Variants in KCNIP4 observed in about 807,000 individuals in gnomAD.
KCNIP4 encodes the protein Kv channel-interacting protein 4.
In KCNIP4, 12 loss-of-function variants were observed where a neutral mutation model predicts 34.0. The observed-to-expected ratio is 0.35, with a 90% CI of 0.23 to 0.57. The LOEUF (loss-of-function observed/expected upper bound fraction) is 0.57, where lower values mean the gene tolerates loss of function less well. KCNIP4 is among the 20% of genes least tolerant of loss of function. KCNIP4 has a pLI of 0.83. For synonymous variants in KCNIP4, 124 were observed against 102.2 expected, an observed-to-expected ratio of 1.21 and a Z score of -1.29; for missense variants, 238 against 311.7, an observed-to-expected ratio of 0.76 and a Z score of 1.78.
At chr4:20,776,711 A>G (rs1001124103) in intron 3 of KCNIP4, among the ~76,000 whole-genome samples, 5 of 152,170 alleles carry the variant, frequency 3.3e-5, no homozygotes, top group African/African-American at 1.2e-4. Flanking sequence ...ATTTTATGCC[A>G]CTGTGCCAGG....
intron 1 of KCNIP4, among the ~76,000 whole-genome samples, chr4:21,106,989 A>T (rs959918399): frequency 6.7e-6 from 1 of 149,524 alleles, no homozygotes; most frequent in Non-Finnish European, 1.5e-5. Context: ...CTGTTCTTTT[A>T]CATTTGCTGA....
chr4:21,283,417 T>C (rs1332102766), intron 1 of KCNIP4, among the ~76,000 whole-genome samples: 1 of 151,980 alleles, frequency 6.6e-6, no homozygotes, highest in African/African-American at 2.4e-5. Flanking sequence ...CTTTTAACGT[T>C]TTCTCTCTCA....
intron 1 of KCNIP4, among the ~76,000 whole-genome samples, chr4:20,994,562 C>G: frequency 6.6e-6 from 1 of 152,120 alleles, no homozygotes; most frequent in East Asian, 1.9e-4. Context: ...ATGATCAGAC[C>G]GAGGGACACT....
intron 1 of KCNIP4, among the ~76,000 whole-genome samples, chr4:21,683,873 C>G (rs1750599639): frequency 6.6e-6 from 1 of 152,066 alleles, no homozygotes; most frequent in Non-Finnish European, 1.5e-5. Flanking sequence ...TACACATTGT[C>G]CCAGTTACTC....
chr4:21,431,182 A>G (rs1726411199), intron 1 of KCNIP4, among the ~76,000 whole-genome samples: 1 of 152,086 alleles, frequency 6.6e-6, no homozygotes, highest in Non-Finnish European at 1.5e-5. Flanking sequence ...AAAAAAAAGG[A>G]AAAGTAAGGA....
chr4:21,134,924 C>A (rs1360768827), intron 1 of KCNIP4, among the ~76,000 whole-genome samples: 1 of 152,216 alleles, frequency 6.6e-6, no homozygotes, highest in Non-Finnish European at 1.5e-5. Flanking sequence ...ACTTCTTGAC[C>A]TAGGCACCTG....
intron 1 of KCNIP4, among the ~76,000 whole-genome samples, chr4:21,086,689 C>T (rs1746460871): frequency 3.3e-5 from 5 of 152,090 alleles, no homozygotes; most frequent in Admixed American, 3.3e-4. Context: ...CTTCTCCTAG[C>T]CAAGAAAAAT....
intron 1 of KCNIP4, among the ~76,000 whole-genome samples, chr4:21,194,960 C>G (rs1189900541): frequency 3.9e-5 from 6 of 152,182 alleles, no homozygotes; most frequent in African/African-American, 1.4e-4. Context: ...AAGGGTTTTA[C>G]TCCTACTATT....
chr4:21,194,196 GAATTT>G (rs953239525), intron 1 of KCNIP4, among the ~76,000 whole-genome samples: 3 of 152,032 alleles, frequency 2.0e-5, no homozygotes, highest in Non-Finnish European at 4.4e-5. Flanking sequence ...CTATTGATAA[GAATTT>G]AATTTAAGCA....
At chr4:21,625,172 T>C (rs931334037) in intron 1 of KCNIP4, among the ~76,000 whole-genome samples, 1 of 152,040 alleles carries the variant, frequency 6.6e-6, no homozygotes, top group Non-Finnish European at 1.5e-5. Context: ...GATGATAAAA[T>C]AATAATATAC....
At chr4:20,881,262 T>C (rs1436260955) in intron 2 of KCNIP4, among the ~76,000 whole-genome samples, 1 of 152,236 alleles carries the variant, frequency 6.6e-6, no homozygotes, top group Non-Finnish European at 1.5e-5. Flanking sequence ...ATTATGTTGT[T>C]TGTGGTTCTT....
At chr4:21,184,377 A>G (rs903227850) in intron 1 of KCNIP4, among the ~76,000 whole-genome samples, 5 of 152,204 alleles carry the variant, frequency 3.3e-5, no homozygotes, top group African/African-American at 1.2e-4. Context: ...AGCATCTAGC[A>G]TAGTGTTTTG....
At chr4:21,578,945 A>T (rs1483089760) in intron 1 of KCNIP4, among the ~76,000 whole-genome samples, 2 of 152,192 alleles carry the variant, frequency 1.3e-5, no homozygotes, top group Non-Finnish European at 2.9e-5. Flanking sequence ...TATCAGTAGA[A>T]TGACAGACTC....
intron 1 of KCNIP4, among the ~76,000 whole-genome samples, chr4:21,244,512 GT>G (rs1229969440): frequency 6.6e-6 from 1 of 152,174 alleles, no homozygotes; most frequent in East Asian, 1.9e-4. Context: ...GGAAAAAGCT[GT>G]TTGCAATTGA....
intron 1 of KCNIP4, among the ~76,000 whole-genome samples, chr4:21,033,040 G>A (rs984374218): frequency 6.6e-6 from 1 of 152,038 alleles, no homozygotes; most frequent in Non-Finnish European, 1.5e-5. Flanking sequence ...ATATTAGACA[G>A]TTAGGAGGCT....
intron 1 of KCNIP4, among the ~76,000 whole-genome samples, chr4:21,305,952 G>T (rs533933433): frequency 2.0e-5 from 3 of 152,240 alleles, no homozygotes; most frequent in Admixed American, 6.5e-5. Flanking sequence ...TCCATTAAAG[G>T]GTAGGCTGCC....
intron 1 of KCNIP4, among the ~76,000 whole-genome samples, chr4:21,071,400 T>C (rs527898708): frequency 1.7e-4 from 26 of 152,170 alleles, no homozygotes; most frequent in Non-Finnish European, 3.2e-4. Context: ...CCAAAGGTGG[T>C]TGGGCAAATT....
chr4:21,520,943 G>A (rs1424307527), intron 1 of KCNIP4, among the ~76,000 whole-genome samples: 1 of 152,042 alleles, frequency 6.6e-6, no homozygotes, highest in Non-Finnish European at 1.5e-5. Flanking sequence ...TAATTAAATT[G>A]CCCTCTATTA....
intron 1 of KCNIP4, among the ~76,000 whole-genome samples, chr4:21,261,701 A>G (rs1288186749): frequency 6.6e-6 from 1 of 152,114 alleles, no homozygotes; most frequent in Non-Finnish European, 1.5e-5. Flanking sequence ...CATACACCTA[A>G]TCTATTAAGT....
Sources: gnomAD v4.1 joint callset for allele counts (sites outside exome capture counted in the v4.1 genomes callset) on GRCh38, gnomAD v4.1.1 for gene constraint, MANE v1.5 for transcripts, NCBI Gene and HGNC (gene_info 2026-07-23, HGNC 2026-07-21) for gene names.